Variants in ANKHD1 observed in about 807,000 individuals in gnomAD.
ANKHD1 encodes ankyrin repeat and KH domain-containing protein 1.
A neutral mutation model predicts 230.5 loss-of-function variants in ANKHD1; 31 were observed. The ratio of observed to expected loss-of-function variants is 0.13; its 90% confidence interval spans 0.10 to 0.18. ANKHD1 has a LOEUF of 0.18. Ranked by LOEUF, ANKHD1 falls within the 10% of genes least tolerant of loss-of-function variation. The pLI is 1.00. For synonymous variants in ANKHD1, 1,074 were observed against 1,117.6 expected (o/e 0.96, Z 0.78); for missense variants, 2,256 against 3,071.3 (o/e 0.73, Z 6.27).
chr5:140,427,641 G>A (rs1314612019), intron 1 of ANKHD1, among the ~76,000 whole-genome samples: 9 of 145,762 alleles, frequency 6.2e-5, no homozygotes, highest in African/African-American at 2.0e-4. Context: ...CTGGCCGGGC[G>A]GGGGGCTGAC....
chr5:140,443,905 A>T (rs906249500), intron 5 of ANKHD1, among the ~76,000 whole-genome samples: 1 of 152,046 alleles, frequency 6.6e-6, no homozygotes, highest in Non-Finnish European at 1.5e-5. Flanking sequence ...TGGGGGCTTT[A>T]ATTTCTGGAA....
At chr5:140,457,240 T>C (rs1775265757) in intron 7 of ANKHD1, among the ~76,000 whole-genome samples, 1 of 152,194 alleles carries the variant, frequency 6.6e-6, no homozygotes, top group South Asian at 2.1e-4. Flanking sequence ...ATAGGAACAC[T>C]TTTACACTGT....
At chr5:140,421,219 A>G (rs1264199626) in intron 1 of ANKHD1, among the ~76,000 whole-genome samples, 1 of 151,934 alleles carries the variant, frequency 6.6e-6, no homozygotes, top group Admixed American at 6.6e-5. Flanking sequence ...AAGAATATGG[A>G]CAGAATTTCT....
chr5:140,452,044 A>C (rs769291142), intron 7 of ANKHD1, among the ~76,000 whole-genome samples: 2 of 151,998 alleles, frequency 1.3e-5, no homozygotes, highest in Non-Finnish European at 1.5e-5. Flanking sequence ...TGCATTTCCA[A>C]CTGAGCATAC....
At chr5:140,452,576 C>A (rs554634919) in intron 7 of ANKHD1, among the ~76,000 whole-genome samples, 6 of 152,178 alleles carry the variant, frequency 3.9e-5, no homozygotes, top group Non-Finnish European at 8.8e-5. Context: ...ATTCACTGTT[C>A]TGCTGCCTCC....
intron 25 of ANKHD1, chr5:140,524,948 A>G: frequency 2.8e-6 from 1 of 359,512 alleles, no homozygotes; most frequent in Non-Finnish European, 5.5e-6. Context: ...AAAAAAAAAA[A>G]AAAATTACAA....
chr5:140,515,969 A>G (rs1245597461), intron 24 of ANKHD1, among the ~76,000 whole-genome samples: 3 of 152,254 alleles, frequency 2.0e-5, no homozygotes, highest in East Asian at 3.8e-4. Context: ...GAGCTGAGAG[A>G]AGAAGGCCTC....
intron 1 of ANKHD1, among the ~76,000 whole-genome samples, chr5:140,433,189 C>T (rs535384341): frequency 1.3e-5 from 2 of 152,128 alleles, no homozygotes; most frequent in Non-Finnish European, 2.9e-5. Flanking sequence ...GTGCCTTAGC[C>T]TCCCAAATAG....
intron 10 of ANKHD1, among the ~76,000 whole-genome samples, chr5:140,477,938 G>A (rs1362475713): frequency 1.3e-5 from 2 of 152,136 alleles, no homozygotes; most frequent in East Asian, 3.8e-4. Flanking sequence ...AATTCATGGG[G>A]TTAAGAGGCA....
chr5:140,472,429 T>C (rs571133458), intron 10 of ANKHD1: 43 of 1,389,968 alleles, frequency 3.1e-5, no homozygotes, highest in East Asian at 8.2e-5. Flanking sequence ...TCCTCTTCAA[T>C]TGAAAAAGAT....
chr5:140,524,320 T>TA (rs1330873161), intron 25 of ANKHD1, 80 bp downstream of exon 25: 1 of 1,431,112 alleles, frequency 7.0e-7, no homozygotes, highest in Non-Finnish European at 9.1e-7. Flanking sequence ...TTGCTCTAGT[T>TA]AACTCTAGTT....
chr5:140,482,556 T>C lies in ANKHD1; in HGVS notation c.1783-24T>C, dbSNP rs769471220. The C allele has an allele frequency of 4.4e-6, 7 of 1,608,366 alleles. No homozygotes were observed. The South Asian group carries it at 7.7e-5, about 18-fold the overall frequency. ...TGGTTAGACTGTTGGCATTGATGGA[T>C]TATTTTTTCCATTTCTTTAACAGGA... On this transcript the variant is annotated intron_variant, in intron 10 of 33. Transcript: ENST00000360839.
In ANKHD1 at chr5:140,529,582, C is replaced by T. The variant is rs1434383755; in HGVS notation, c.6636C>T (p.His2212=). ...TTGGCCCAGCCACACTTTTCAATCA[C>T]TTCAGCAGTCTTTTTGATAGTAGTC... ...PTFGPATLFN[H]FSSLFDSSQV... Residue 2212 remains histidine, a synonymous_variant, in exon 29 of 34, where the codon CAC becomes CAT. Coordinates refer to ENST00000360839, the MANE Select transcript of ANKHD1 (RefSeq NM_017747.3). The T allele has an allele frequency of 6.2e-7, 1 of 1,614,248 alleles. No homozygotes were observed. Among genetic ancestry groups the T allele is most frequent in the Non-Finnish European group, 8.5e-7 (1 of 1,180,044 alleles).
At chr5:140,455,955 T>C (rs1296564423) in intron 7 of ANKHD1, among the ~76,000 whole-genome samples, 1 of 152,112 alleles carries the variant, frequency 6.6e-6, no homozygotes, top group Non-Finnish European at 1.5e-5. Context: ...GATTGTATAT[T>C]TAGAAAACCC....
rs1260813665 is a variant in ANKHD1, at chr5:140,505,039, T to G, written c.3150+73T>G. On this transcript the variant is annotated intron_variant, in intron 16 of 33. Transcript: ENST00000360839. Reference sequence around the variant, plus strand: ...TTTGGAAAGGAAAATTATTCTGCATTTATTGTGAAAAGAAATATTATTTGC... The same window carrying G: ...TTTGGAAAGGAAAATTATTCTGCATGTATTGTGAAAAGAAATATTATTTGC... 3.1e-6 allele frequency: 5 copies of G among 1,603,992 alleles called. No individual in the cohort carries two copies. The Middle Eastern group carries it at 5.0e-4, about 160-fold the overall frequency.
chr5:140,494,672 A>G (rs1751945952), intron 14 of ANKHD1, among the ~76,000 whole-genome samples: 1 of 152,074 alleles, frequency 6.6e-6, no homozygotes, highest in Admixed American at 6.6e-5. Flanking sequence ...ATGAATCTCT[A>G]ATTTTTTTTT....
chr5:140,484,608 C>T (rs1448457200), intron 11 of ANKHD1, among the ~76,000 whole-genome samples: 1 of 152,104 alleles, frequency 6.6e-6, no homozygotes, highest in East Asian at 1.9e-4. Flanking sequence ...GTCTTTGAAA[C>T]ATTTTGAGTT....
At chr5:140,512,373 G>A (rs1294440344) in intron 22 of ANKHD1, among the ~76,000 whole-genome samples, 2 of 152,088 alleles carry the variant, frequency 1.3e-5, no homozygotes, top group Admixed American at 6.5e-5. Context: ...TGTTTAGTTA[G>A]TGAAGTAGAG....
At chr5:140,405,022 A>C (rs1375032024) in intron 1 of ANKHD1, among the ~76,000 whole-genome samples, 2 of 134,822 alleles carry the variant, frequency 1.5e-5, no homozygotes, top group Non-Finnish European at 3.1e-5. Context: ...TGTATGTGTA[A>C]TGGTCTTTGG....
Sources: gnomAD v4.1 joint callset for allele counts (sites outside exome capture counted in the v4.1 genomes callset) on GRCh38, gnomAD v4.1.1 for gene constraint, MANE v1.5 for transcripts, NCBI Gene and HGNC (gene_info 2026-07-23, HGNC 2026-07-21) for gene names.